The following SPIDR variants were observed in gnomAD, a reference collection of about 807,000 sequenced individuals.
The protein encoded by SPIDR is scaffold protein involved in DNA repair, also known as DNA repair-scaffolding protein.
SPIDR carries 93 observed loss-of-function variants against 104.6 expected under a neutral mutation model. The observed-to-expected ratio is 0.89, with a 90% CI of 0.75 to 1.06. The LOEUF is 1.06. Among genes scored for constraint, SPIDR ranks in the 50% least tolerant of loss-of-function variants. The pLI is 0.00. For synonymous variants in SPIDR, 431 were observed against 416.9 expected (o/e 1.03, Z -0.41); for missense variants, 1,154 against 1,111.2 (o/e 1.04, Z -0.55).
intron 5 of SPIDR, among the ~76,000 whole-genome samples, chr8:47,358,372 G>A (rs1282825461): frequency 2.0e-5 from 3 of 152,204 alleles, no homozygotes; most frequent in African/African-American, 7.2e-5. Flanking sequence ...ACAGATGTGA[G>A]CCTCCTTGCC....
intron 10 of SPIDR, among the ~76,000 whole-genome samples, chr8:47,650,572 C>A (rs2071428731): frequency 6.6e-6 from 1 of 152,062 alleles, no homozygotes. Context: ...TATCAAAATA[C>A]CAACATCATT....
chr8:47,602,283 C>T (rs1365137485), intron 10 of SPIDR, among the ~76,000 whole-genome samples: 3 of 152,180 alleles, frequency 2.0e-5, no homozygotes, highest in Non-Finnish European at 4.4e-5. Context: ...ACAACACACA[C>T]AGAAGAAGGA....
At chr8:47,348,766 A>T (rs2052759565) in intron 5 of SPIDR, among the ~76,000 whole-genome samples, 1 of 152,116 alleles carries the variant, frequency 6.6e-6, no homozygotes, top group Admixed American at 6.5e-5. Flanking sequence ...TGCATGCGTC[A>T]CGTAGTTCTC....
intron 5 of SPIDR, among the ~76,000 whole-genome samples, chr8:47,372,652 TATA>T (rs2058177179): frequency 6.6e-6 from 1 of 151,858 alleles, no homozygotes; most frequent in African/African-American, 2.4e-5. Context: ...ATAATAATAA[TATA>T]ATAATTTTAT....
intron 8 of SPIDR, among the ~76,000 whole-genome samples, chr8:47,552,968 A>G (rs534165350): frequency 3.5e-4 from 54 of 152,220 alleles, no homozygotes; most frequent in Non-Finnish European, 6.9e-4. Context: ...GGTGACAAAA[A>G]TCTCTCAACA....
At chr8:47,381,803 T>C (rs2059362742) in intron 5 of SPIDR, among the ~76,000 whole-genome samples, 1 of 152,236 alleles carries the variant, frequency 6.6e-6, no homozygotes, top group Admixed American at 6.5e-5. Flanking sequence ...CGCCTTTGCA[T>C]GTTGGCCAAG....
intron 18 of SPIDR, 53 bp downstream of exon 18, chr8:47,729,100 A>G: frequency 6.3e-7 from 1 of 1,598,590 alleles, no homozygotes; most frequent in Non-Finnish European, 8.5e-7. Context: ...CAACATAGCG[A>G]AGGTGAGACA....
At chr8:47,401,264 A>G (rs2061847691) in intron 6 of SPIDR, among the ~76,000 whole-genome samples, 1 of 152,156 alleles carries the variant, frequency 6.6e-6, no homozygotes, top group Non-Finnish European at 1.5e-5. Flanking sequence ...GAGAAATAAA[A>G]TCCTTTGAAA....
At chr8:47,407,985 G>T in intron 7 of SPIDR, 24 bp downstream of exon 7, 3 of 1,315,846 alleles carry the variant, frequency 2.3e-6, no homozygotes, top group South Asian at 1.5e-5. Flanking sequence ...AGGAATCTGA[G>T]ACAATGTGTA....
At chr8:47,550,818 C>T (rs1382671363) in intron 8 of SPIDR, among the ~76,000 whole-genome samples, 3 of 152,020 alleles carry the variant, frequency 2.0e-5, no homozygotes, top group African/African-American at 2.4e-5. Flanking sequence ...GAATAGAAGT[C>T]GTGAAGGAGG....
intron 3 of SPIDR, among the ~76,000 whole-genome samples, chr8:47,285,410 G>T (rs1416553117): frequency 6.6e-6 from 1 of 152,176 alleles, no homozygotes; most frequent in African/African-American, 2.4e-5. Flanking sequence ...GAAGCTGTTG[G>T]CAGAGACAAG....
intron 5 of SPIDR, among the ~76,000 whole-genome samples, chr8:47,359,033 A>G (rs539365235): frequency 9.2e-4 from 140 of 152,270 alleles, no homozygotes; most frequent in African/African-American, 3.3e-3. Context: ...TTTCAGAGAC[A>G]TCTGTTTATA....
intron 8 of SPIDR, among the ~76,000 whole-genome samples, chr8:47,523,105 A>C (rs2084420585): frequency 6.6e-6 from 1 of 152,040 alleles, no homozygotes; most frequent in Non-Finnish European, 1.5e-5. Context: ...GGCTCAGGCA[A>C]TCCTCCCACC....
intron 5 of SPIDR, among the ~76,000 whole-genome samples, chr8:47,312,881 C>G (rs2044483119): frequency 6.6e-6 from 1 of 152,138 alleles, no homozygotes; most frequent in Non-Finnish European, 1.5e-5. Flanking sequence ...TTTAATCCAT[C>G]TTGAATTAAT....
chr8:47,279,651 T>G (rs1427984944), intron 1 of SPIDR, among the ~76,000 whole-genome samples: 5 of 152,164 alleles, frequency 3.3e-5, no homozygotes, highest in Admixed American at 2.0e-4. Flanking sequence ...TACCCACTTG[T>G]GTTTGGAGTT....
chr8:47,470,924 C>T (rs1036700837), intron 8 of SPIDR, among the ~76,000 whole-genome samples: 2 of 151,976 alleles, frequency 1.3e-5, no homozygotes, highest in African/African-American at 2.4e-5. Context: ...TTAGTAGAGA[C>T]GGGGTTTCAC....
At chr8:47,659,870 AGCCGG>A (rs2073788257) in intron 10 of SPIDR, among the ~76,000 whole-genome samples, 1 of 152,108 alleles carries the variant, frequency 6.6e-6, no homozygotes, top group Non-Finnish European at 1.5e-5. Context: ...AGAATGAAAC[AGCCGG>A]GCCTGACTCC....
intron 9 of SPIDR, among the ~76,000 whole-genome samples, chr8:47,598,222 G>A (rs1002146502): frequency 2.0e-5 from 3 of 152,188 alleles, no homozygotes; most frequent in Admixed American, 1.3e-4. Context: ...ATGGTTAAAC[G>A]TGTGAACTTT....
intron 16 of SPIDR, among the ~76,000 whole-genome samples, chr8:47,724,839 C>T (rs1250043106): frequency 6.6e-6 from 1 of 152,166 alleles, no homozygotes; most frequent in Non-Finnish European, 1.5e-5. Context: ...CCCTGAGTGG[C>T]AGCTCTGGGG....
Sources: gnomAD v4.1 joint callset for allele counts (sites outside exome capture counted in the v4.1 genomes callset) on GRCh38, gnomAD v4.1.1 for gene constraint, MANE v1.5 for transcripts, NCBI Gene and HGNC (gene_info 2026-07-23, HGNC 2026-07-21) for gene names.